The following GALNT14 variants were observed in gnomAD, a reference collection of about 807,000 sequenced individuals.
GALNT14 encodes polypeptide N-acetylgalactosaminyltransferase 14.
Under a neutral mutation model 77.5 loss-of-function variants are expected in GALNT14, and 60 were observed. That is an observed-to-expected ratio of 0.77 (90% confidence interval 0.63 to 0.96). The LOEUF is 0.96. Ranked by LOEUF, GALNT14 falls within the 40% of genes least tolerant of loss-of-function variation. The pLI is 0.00. For synonymous variants in GALNT14, 280 were observed against 281.7 expected, an observed-to-expected ratio of 0.99 and a Z score of 0.06; for missense variants, 710 against 731.0, an observed-to-expected ratio of 0.97 and a Z score of 0.33.
intron 2 of GALNT14, among the ~76,000 whole-genome samples, chr2:30,969,467 GA>G (rs1364077429): frequency 6.6e-6 from 1 of 152,180 alleles, no homozygotes; most frequent in African/African-American, 2.4e-5. Flanking sequence ...AGCTTTTGGG[GA>G]CAGGGGCCAT....
intron 1 of GALNT14, among the ~76,000 whole-genome samples, chr2:31,027,838 C>T (rs1183105252): frequency 6.6e-6 from 1 of 150,898 alleles, no homozygotes; most frequent in Non-Finnish European, 1.5e-5. Context: ...CTTTAAGCAA[C>T]AAGTGCTGCC....
chr2:30,912,537 A>C (rs1664430331), intron 13 of GALNT14, among the ~76,000 whole-genome samples, 195 bp from the exon 14 acceptor site: 1 of 152,182 alleles, frequency 6.6e-6, no homozygotes, highest in South Asian at 2.1e-4. Context: ...CTCCATGGAA[A>C]TCTCCATCCA....
At chr2:31,127,102 T>C (rs1320660245) in intron 1 of GALNT14, among the ~76,000 whole-genome samples, 13 of 152,180 alleles carry the variant, frequency 8.5e-5, no homozygotes, top group Admixed American at 8.5e-4. Context: ...ACTCAAGGAA[T>C]TTCACAAGGT....
At chr2:31,055,698 T>A (rs1674167362) in intron 1 of GALNT14, among the ~76,000 whole-genome samples, 1 of 152,026 alleles carries the variant, frequency 6.6e-6, no homozygotes, top group Admixed American at 6.5e-5. Context: ...ATCCCTAGAG[T>A]AACCACTTGA....
chr2:30,959,272 C>G (rs1022849481), intron 3 of GALNT14, among the ~76,000 whole-genome samples: 1 of 152,184 alleles, frequency 6.6e-6, no homozygotes, highest in Admixed American at 6.5e-5. Flanking sequence ...CACTTCCCAG[C>G]CCTGAAGTTT....
At chr2:30,998,392 C>T (rs1289035484) in intron 1 of GALNT14, among the ~76,000 whole-genome samples, 1 of 152,136 alleles carries the variant, frequency 6.6e-6, no homozygotes, top group African/African-American at 2.4e-5. Context: ...AGCTGTTGTA[C>T]ATTCCCACTC....
chr2:30,917,695 C>T (rs116847387), intron 13 of GALNT14, among the ~76,000 whole-genome samples: 60 of 152,348 alleles, frequency 3.9e-4, no homozygotes, highest in East Asian at 2.3e-3. Flanking sequence ...ATAACCACTA[C>T]GGTTCCCGTT....
intron 10 of GALNT14, among the ~76,000 whole-genome samples, chr2:30,930,520 C>G (rs956449849): frequency 2.6e-5 from 4 of 152,206 alleles, no homozygotes; most frequent in African/African-American, 9.6e-5. Context: ...GATCCCTCAG[C>G]CATCAGGCGT....
At chr2:30,982,610 C>T (rs1024918995) in intron 2 of GALNT14, among the ~76,000 whole-genome samples, 1 of 152,192 alleles carries the variant, frequency 6.6e-6, no homozygotes, top group African/African-American at 2.4e-5. Flanking sequence ...CAAGCAACAT[C>T]AATCTACAGC....
chr2:30,964,558 T>C (rs1667882692), intron 3 of GALNT14, among the ~76,000 whole-genome samples: 1 of 152,112 alleles, frequency 6.6e-6, no homozygotes, highest in Non-Finnish European at 1.5e-5. Flanking sequence ...ATTGCCTGGT[T>C]GGGAAATCAA....
the GALNT14 span, among the ~76,000 whole-genome samples, chr2:30,898,403 A>G: frequency 6.6e-6 from 1 of 152,212 alleles, no homozygotes; most frequent in African/African-American, 2.4e-5. Context: ...ACGATGAACT[A>G]CAAGGATGAC....
chr2:30,890,284 T>A, the GALNT14 span, among the ~76,000 whole-genome samples: 2 of 152,262 alleles, frequency 1.3e-5, no homozygotes, highest in Non-Finnish European at 2.9e-5. Context: ...ATTCTTCAAT[T>A]TCAGGGAAGC....
chr2:31,037,434 G>T lies in GALNT14; in HGVS notation c.130-44427C>A, dbSNP rs570886475. ...TAGACACTACTTCCTTTAGTTATTTGAACATATTTTAAGCAGCAGATTTTA... is the reference window on the plus strand; with the variant it reads ...TAGACACTACTTCCTTTAGTTATTTTAACATATTTTAAGCAGCAGATTTTA... On this transcript the variant is annotated intron_variant, in intron 1 of 14. Transcript: ENST00000349752. 1.1e-4 allele frequency among the ~76,000 whole-genome samples: 16 copies of T among 152,172 alleles called. No individual in the cohort carries two copies. The East Asian group carries it at 2.5e-3, about 24-fold the overall frequency.
At chr2:30,916,210 G>T (rs1664670150) in intron 13 of GALNT14, among the ~76,000 whole-genome samples, 1 of 152,308 alleles carries the variant, frequency 6.6e-6, no homozygotes, top group Admixed American at 6.5e-5. Flanking sequence ...TTAGATGAAT[G>T]CACACTCACA....
intron 1 of GALNT14, among the ~76,000 whole-genome samples, chr2:31,009,329 C>CA (rs1251829296): frequency 6.6e-6 from 1 of 152,106 alleles, no homozygotes; most frequent in Non-Finnish European, 1.5e-5. Context: ...TTCGAGGGTC[C>CA]TTGTCTCTCT....
chr2:30,950,968 G>A (rs1262182417), intron 6 of GALNT14, among the ~76,000 whole-genome samples: 1 of 152,148 alleles, frequency 6.6e-6, no homozygotes, highest in Non-Finnish European at 1.5e-5. Flanking sequence ...AGAAAGCAAG[G>A]CTCCCTTAAC....
rs1666321756 is a variant in GALNT14, at chr2:30,940,650, T to C, written c.931+1551A>G. ...GGAACAAATCACTAACTATAAGAAATACTGAGGTTGTCAAGACATAAAAAT... is the reference window on the plus strand; with the variant it reads ...GGAACAAATCACTAACTATAAGAAACACTGAGGTTGTCAAGACATAAAAAT... On this transcript the variant is annotated intron_variant, in intron 9 of 14. Transcript: ENST00000349752. Among the ~76,000 whole-genome samples the C allele has an allele frequency of 2.0e-5, 3 of 152,026 alleles. No homozygotes were observed. The South Asian group carries it at 6.2e-4, about 32-fold the overall frequency.
chr2:30,993,556 A>G (rs888617775), intron 1 of GALNT14, among the ~76,000 whole-genome samples: 1 of 152,228 alleles, frequency 6.6e-6, no homozygotes, highest in Admixed American at 6.5e-5. Context: ...TTCCGTCTAC[A>G]GTGGTGTGCT....
chr2:30,893,568 T>A, the GALNT14 span, among the ~76,000 whole-genome samples: 8 of 152,194 alleles, frequency 5.3e-5, no homozygotes, highest in Non-Finnish European at 1.2e-4. Flanking sequence ...AAAAACTAAG[T>A]CCTTATCTAC....
Sources: gnomAD v4.1 joint callset for allele counts (sites outside exome capture counted in the v4.1 genomes callset) on GRCh38, gnomAD v4.1.1 for gene constraint, MANE v1.5 for transcripts, NCBI Gene and HGNC (gene_info 2026-07-23, HGNC 2026-07-21) for gene names.